THEMIS: variants seen among roughly 807,000 people sequenced by gnomAD.
THEMIS encodes the protein protein THEMIS.
THEMIS carries 37 observed loss-of-function variants against 52.6 expected under a neutral mutation model. The ratio of observed to expected loss-of-function variants is 0.70; its 90% CI spans 0.54 to 0.93. The LOEUF is 0.93. Among genes scored for constraint, THEMIS ranks in the 40% least tolerant of loss-of-function variants. The pLI is 0.00. For missense variants in THEMIS, 808 were observed against 763.1 expected (o/e 1.06, Z -0.69); for synonymous variants, 292 against 272.7 (o/e 1.07, Z -0.70).
At chr6:127,782,850 G>A (rs1395600012) in intron 4 of THEMIS, among the ~76,000 whole-genome samples, 1 of 152,126 alleles carries the variant, frequency 6.6e-6, no homozygotes, top group Non-Finnish European at 1.5e-5. Context: ...CTCCCATCAA[G>A]CTACCATGGA....
At chr6:127,739,789 A>G (rs901806135) in intron 4 of THEMIS, among the ~76,000 whole-genome samples, 1 of 152,232 alleles carries the variant, frequency 6.6e-6, no homozygotes, top group Non-Finnish European at 1.5e-5. Flanking sequence ...AATCGTGGCA[A>G]GCATGTCACT....
At chr6:127,906,953 CAAA>C in intron 1 of THEMIS, among the ~76,000 whole-genome samples, 1 of 140,772 alleles carries the variant, frequency 7.1e-6, no homozygotes, top group South Asian at 2.2e-4. Flanking sequence ...TGTTAAAAAA[CAAA>C]AAAAAAAATT....
chr6:127,837,907 A>G (rs927421258), intron 2 of THEMIS, among the ~76,000 whole-genome samples: 1 of 152,092 alleles, frequency 6.6e-6, no homozygotes, highest in African/African-American at 2.4e-5. Context: ...ATATGTTGTA[A>G]GGAATGTATC....
At chr6:127,786,746 T>C (rs1187092332) in intron 4 of THEMIS, among the ~76,000 whole-genome samples, 2 of 152,154 alleles carry the variant, frequency 1.3e-5, no homozygotes, top group Non-Finnish European at 2.9e-5. Context: ...ACTAGCAAAA[T>C]TTGTCAGAAT....
intron 4 of THEMIS, among the ~76,000 whole-genome samples, chr6:127,741,165 G>A (rs1775189214): frequency 6.6e-6 from 1 of 152,156 alleles, no homozygotes; most frequent in Non-Finnish European, 1.5e-5. Flanking sequence ...AGCAGCAAAA[G>A]CTAGCAGTTC....
intron 4 of THEMIS, among the ~76,000 whole-genome samples, chr6:127,776,692 T>C (rs1012370687): frequency 6.6e-6 from 1 of 152,222 alleles, no homozygotes; most frequent in Non-Finnish European, 1.5e-5. Flanking sequence ...TTTATACTTA[T>C]TAAGTTTTGG....
chr6:127,714,990 G>C (rs1003225201), intron 5 of THEMIS, among the ~76,000 whole-genome samples: 1 of 151,802 alleles, frequency 6.6e-6, no homozygotes, highest in African/African-American at 2.4e-5. Context: ...GAAGAAGAGG[G>C]GCCAGGTTGT....
intron 4 of THEMIS, among the ~76,000 whole-genome samples, chr6:127,806,930 C>A (rs1488069310): frequency 1.3e-5 from 2 of 152,228 alleles, no homozygotes; most frequent in African/African-American, 2.4e-5. Context: ...GCCCTCTTCT[C>A]CCGTCTTTTT....
At chr6:127,818,474 T>C (rs1037526221) in intron 3 of THEMIS, among the ~76,000 whole-genome samples, 10 of 152,008 alleles carry the variant, frequency 6.6e-5, no homozygotes, top group Admixed American at 1.3e-4. Context: ...ACACCTACCA[T>C]TATAGTAAAC....
chr6:127,902,708 T>C (rs1781174256), upstream of THEMIS, among the ~76,000 whole-genome samples: 1 of 152,042 alleles, frequency 6.6e-6, no homozygotes, highest in Admixed American at 6.6e-5. Context: ...CACTGGCAAC[T>C]TTTTTGTCCA....
the THEMIS span, among the ~76,000 whole-genome samples, chr6:127,700,705 T>A: frequency 6.6e-6 from 1 of 152,132 alleles, no homozygotes; most frequent in African/African-American, 2.4e-5. Context: ...CAACATTATA[T>A]CTGATGAAAT....
rs1252688610 is a variant in THEMIS at position 127,708,496 on chromosome 6, A to T, written c.*1489T>A. ...ACTATTGTTTGAAAAATAACAAATT[A>T]TATGAGTCTAAAAACACCTATGGTG... is the stretch of plus-strand genomic sequence containing the variant. On this transcript the variant is annotated 3_prime_UTR_variant, in exon 6 of 6. Transcript: ENST00000368248. 1 of 152,098 alleles carries T rather than the reference A, an allele frequency of 6.6e-6. No homozygotes were observed. The highest frequency in any genetic ancestry group is 2.4e-5 in the African/African-American group (1 of 41,438). The allele number at this position is 152,098 out of a possible 1,614,324, so 9.4% of individuals were successfully genotyped here.
chr6:127,845,497 C>T (rs1324463786), intron 2 of THEMIS, among the ~76,000 whole-genome samples: 1 of 151,826 alleles, frequency 6.6e-6, no homozygotes, highest in Non-Finnish European at 1.5e-5. Context: ...CCACAGTAAC[C>T]TTGAAAACTA....
At chr6:127,818,109 G>A (rs916081789) in intron 3 of THEMIS, among the ~76,000 whole-genome samples, 1 of 152,020 alleles carries the variant, frequency 6.6e-6, no homozygotes, top group Non-Finnish European at 1.5e-5. Context: ...TATTCTATGT[G>A]GGGAAAAAGC....
intron 4 of THEMIS, among the ~76,000 whole-genome samples, chr6:127,804,987 T>C (rs999041276): frequency 1.1e-4 from 17 of 152,170 alleles, no homozygotes; most frequent in African/African-American, 4.1e-4. Flanking sequence ...ATATATTGTG[T>C]GACTTCATAA....
At chr6:127,853,165 C>CAGAT (rs1363933994) in intron 2 of THEMIS, among the ~76,000 whole-genome samples, 2 of 151,624 alleles carry the variant, frequency 1.3e-5, no homozygotes, top group African/African-American at 4.8e-5. Flanking sequence ...ATCTATTAGA[C>CAGAT]AGATGGTGGT....
chr6:127,886,046 TC>T (rs1780635076), intron 1 of THEMIS, among the ~76,000 whole-genome samples: 1 of 152,028 alleles, frequency 6.6e-6, no homozygotes, highest in African/African-American at 2.4e-5. Flanking sequence ...CTGATCACTC[TC>T]CCCCTCCTTC....
intron 2 of THEMIS, among the ~76,000 whole-genome samples, chr6:127,850,605 T>C (rs1779387795): frequency 6.6e-6 from 1 of 151,774 alleles, no homozygotes; most frequent in Non-Finnish European, 1.5e-5. Flanking sequence ...TGGAGTTGGA[T>C]GCAATTATTT....
chr6:127,725,416 T>C (rs1774505801), intron 4 of THEMIS, among the ~76,000 whole-genome samples: 1 of 151,838 alleles, frequency 6.6e-6, no homozygotes, highest in South Asian at 2.1e-4. Context: ...ATTCTGTATG[T>C]AATCTGTCTC....
Sources: allele counts gnomAD v4.1 joint callset (sites outside exome capture counted in the v4.1 genomes callset), GRCh38; gene constraint gnomAD v4.1.1; transcripts MANE v1.5; gene names NCBI Gene and HGNC (gene_info 2026-07-23, HGNC 2026-07-21).